TRANK1: variants seen among roughly 807,000 people sequenced by gnomAD.
The protein encoded by TRANK1 is tetratricopeptide repeat and ankyrin repeat containing 1, also known as TPR and ankyrin repeat-containing protein 1.
A neutral mutation model predicts 266.0 loss-of-function variants in TRANK1; 198 were observed. The observed-to-expected ratio is 0.74, with a 90% confidence interval of 0.66 to 0.84. TRANK1 has a LOEUF of 0.84. Ranked by LOEUF, TRANK1 falls within the 40% of genes least tolerant of loss-of-function variation. The pLI is 0.00. For synonymous variants in TRANK1, 1,396 were observed against 1,384.1 expected (o/e 1.01, Z -0.19); for missense variants, 3,326 against 3,634.6 (o/e 0.92, Z 2.18).
intron 18 of TRANK1, among the ~76,000 whole-genome samples, chr3:36,841,821 T>A (rs977965972): frequency 3.3e-5 from 5 of 151,672 alleles, no homozygotes; most frequent in African/African-American, 1.2e-4. Flanking sequence ...AGGGAAGAGA[T>A]GGAATGAGAC....
chr3:36,838,258 C>T, intron 20 of TRANK1, 114 bp downstream of exon 20: 1 of 1,480,252 alleles, frequency 6.8e-7, no homozygotes, highest in Non-Finnish European at 9.1e-7. Flanking sequence ...CCAGTGTCTC[C>T]CTCCTTGGAA....
chr3:36,878,770 A>C (rs1559447345), intron 8 of TRANK1, among the ~76,000 whole-genome samples: 1 of 134,158 alleles, frequency 7.5e-6, no homozygotes. Context: ...CCTAAAATGA[A>C]AGTTCAAAAA....
intron 8 of TRANK1, among the ~76,000 whole-genome samples, chr3:36,882,734 T>C (rs190043021): frequency 1.3e-5 from 2 of 152,204 alleles, no homozygotes; most frequent in African/African-American, 4.8e-5. Context: ...AATTGCAGTA[T>C]ATACCACAGA....
chr3:36,831,080 G>C lies in TRANK1; in HGVS notation c.8503C>G (p.Gln2835Glu), dbSNP rs1288623900. ...EHHQRQQVAY[Q>E]KYSEFFHEKV... ...TCGTGGAAAAATTCTGAGTATTTCT[G>C]GTAGGCCACTTGCTGCCTCTGGTGG... is the stretch of plus-strand genomic sequence containing the variant. The change falls in exon 22 of 24, where the codon CAG (glutamine) becomes GAG (glutamate). Residue 2835 changes from glutamine to glutamate, a missense_variant. Coordinates refer to ENST00000645898, the MANE Select transcript of TRANK1 (RefSeq NM_001329998.2). This position sits in a 1 kb window ranked among gnomAD's most constrained non-coding sequence, Gnocchi z 5.0. The C allele has an allele frequency of 6.2e-7, 1 of 1,613,818 alleles. No homozygotes were observed. Among genetic ancestry groups the C allele is most frequent in the Non-Finnish European group, 8.5e-7 (1 of 1,179,908 alleles).
In TRANK1 at chr3:36,833,500, C is replaced by T. The variant is rs763176808; in HGVS notation, c.6083G>A (p.Gly2028Asp). 1 of 1,613,902 alleles carries T rather than the reference C, an allele frequency of 6.2e-7. No individual in the cohort carries two copies. The highest frequency in any genetic ancestry group is 1.1e-5 in the South Asian group (1 of 91,066). Residue 2028 changes from glycine to aspartate, a missense_variant, in exon 22 of 24, where the codon GGC (glycine) becomes GAC (aspartate). Coordinates refer to ENST00000645898, the MANE Select transcript of TRANK1 (RefSeq NM_001329998.2). ...DICYQTGQLS[G>D]IAEAHFLQGV... Reference sequence around the variant, plus strand: ...TTGCAGGAAGTGGGCCTCCGCAATGCCAGACAACTGGCCAGTTTGATAGCA... The same window carrying T: ...TTGCAGGAAGTGGGCCTCCGCAATGTCAGACAACTGGCCAGTTTGATAGCA...
chr3:36,903,047 A>G (rs963145686), intron 3 of TRANK1, 102 bp downstream of exon 3: 3 of 1,396,176 alleles, frequency 2.1e-6, no homozygotes, highest in African/African-American at 2.9e-5. Context: ...TGCCACCCCC[A>G]GGTGCCACTG....
intron 9 of TRANK1, among the ~76,000 whole-genome samples, chr3:36,872,136 C>T (rs2079318566): frequency 6.6e-6 from 1 of 152,334 alleles, no homozygotes; most frequent in Admixed American, 6.5e-5. Flanking sequence ...CATGGTGGCT[C>T]ATGCCTATAA....
chr3:36,886,117 T>TTTG (rs1172887468), intron 8 of TRANK1, among the ~76,000 whole-genome samples: 6 of 147,300 alleles, frequency 4.1e-5, no homozygotes, highest in South Asian at 2.1e-4. Context: ...CCCTTCTTTT[T>TTTG]TTGTTGTTGT....
At chr3:36,942,063 A>G (rs1437883161) in intron 1 of TRANK1, among the ~76,000 whole-genome samples, 1 of 152,198 alleles carries the variant, frequency 6.6e-6, no homozygotes, top group African/African-American at 2.4e-5. Flanking sequence ...ACCTTCCCCA[A>G]ACAGGAGGAC....
intron 1 of TRANK1, among the ~76,000 whole-genome samples, chr3:36,921,347 G>A (rs1397753114): frequency 6.6e-6 from 1 of 152,128 alleles, no homozygotes; most frequent in Non-Finnish European, 1.5e-5. Flanking sequence ...CTCCATTCAC[G>A]AGTCACATCC....
Position 36,857,943 on chromosome 3 carries a change from C to T in TRANK1, c.1779G>A (p.Thr593=). ...NPNVQDSNGN[T]LMHILFQKGM... ...CCTTCTGGAAGAGGATGTGCATCAG[C>T]GTGTTCCCATTGCTGTCCTGGACAT... Residue 593 remains threonine (T), a synonymous_variant, in exon 13 of 24, where the codon ACG becomes ACA. Coordinates refer to ENST00000645898, the MANE Select transcript of TRANK1 (RefSeq NM_001329998.2). This position sits in a 1 kb window ranked among gnomAD's most constrained non-coding sequence, Gnocchi z 4.3. 2.5e-6 allele frequency: 4 copies of T among 1,603,412 alleles called. No homozygotes were observed. The highest frequency in any genetic ancestry group is 1.7e-5 in the Admixed American group (1 of 60,024).
chr3:36,842,825 C>G (rs771706140), intron 17 of TRANK1, 115 bp from the exon 18 acceptor site: 1 of 890,562 alleles, frequency 1.1e-6, no homozygotes, highest in Non-Finnish European at 1.8e-6. Context: ...TGTTAAAGTC[C>G]TAACTCCCGG....
rs2079093233 is a variant in TRANK1, at chr3:36,858,752, C to T, written c.1638G>A (p.Leu546=). ...AISLTEGDTP[L]HAALHIFLEI... ...CTAGAAAGATGTGGAGTGCTGCATG[C>T]AAAGGAGTATCACCTTCCGTGAGAG... Residue 546 remains leucine, a synonymous_variant, in exon 12 of 24, where the codon TTG becomes TTA. Coordinates refer to ENST00000645898, the MANE Select transcript of TRANK1 (RefSeq NM_001329998.2). The T allele has an allele frequency of 6.5e-7, 1 of 1,536,172 alleles. No homozygotes were observed. The highest frequency in any genetic ancestry group is 2.0e-5 in the Admixed American group (1 of 50,824).
rs1274624422 is a variant in TRANK1, at chr3:36,833,913, T to C, written c.5670A>G (p.Glu1890=). ...GAAGGGTCTTAGTCTTTAGCATTTC[T>C]TCATACCTGCAAAGACAAAGGACAC... The part of the protein sequence containing the change: ...EEAAIAVEKY[E]EMLKTKTLPI... Residue 1890 remains glutamate (E), a synonymous_variant, in exon 22 of 24, where the codon GAA becomes GAG. Transcript: ENST00000645898. The C allele has an allele frequency of 6.3e-7, 1 of 1,599,968 alleles. No homozygotes were observed. The highest frequency in any genetic ancestry group is 8.5e-7 in the Non-Finnish European group (1 of 1,175,482).
rs1335217028 is a variant in TRANK1 at position 36,856,752 on chromosome 3, C to T, written c.2970G>A (p.Lys990=). 1.9e-6 allele frequency: 3 copies of T among 1,613,906 alleles called. No individual in the cohort carries two copies. Among genetic ancestry groups the T allele is most frequent in the Non-Finnish European group, 2.5e-6 (3 of 1,179,896 alleles). Residue 990 remains lysine (K), a synonymous_variant, in exon 13 of 24, where the codon AAG becomes AAA. Transcript: ENST00000645898. The part of the protein sequence containing the change: ...GQVSANMKIQ[K]RIPRCYVEDT... ...CCTCCACATAGCAGCGAGGTATACG[C>T]TTTTGAATTTTCATGTTAGCTGACA... is the stretch of plus-strand genomic sequence containing the variant.
intron 2 of TRANK1, among the ~76,000 whole-genome samples, chr3:36,906,676 T>C (rs114895522): frequency 0.021 from 3,237 of 152,040 alleles, 110 homozygotes; most frequent in African/African-American, 0.068. Flanking sequence ...ATGATAAGCT[T>C]TGAAGATAAA....
In TRANK1 at chr3:36,908,428, A is replaced by T. The variant is rs1424115712; in HGVS notation, c.50T>A (p.Leu17Gln). The T allele has an allele frequency of 6.5e-6, 8 of 1,232,240 alleles. No homozygotes were observed. The highest frequency in any genetic ancestry group is 8.1e-6 in the Non-Finnish European group (8 of 988,000). 76.3% of individuals were successfully genotyped at this position (1,232,240 alleles called of 1,614,324 possible). A position where few individuals can be genotyped will look rare whatever the true frequency, so the allele number is the denominator to read the frequency against. Residue 17 changes from leucine (L) to glutamine (Q), a missense_variant, in exon 2 of 24, where the codon CTG becomes CAG. Leu to Gln is a moderately radical substitution (Grantham distance 113, BLOSUM62 -2). Coordinates refer to ENST00000645898, the MANE Select transcript of TRANK1 (RefSeq NM_001329998.2). ...AACCTGGTTGCCGGATTCTTTCAGC[A>T]GCTCAGCGTAAGCTGTCAGGTCCAT... ...ARMDLTAYAE[L>Q]LKESGNQVLK...
At chr3:36,903,881 C>A (rs766788574) in intron 2 of TRANK1, among the ~76,000 whole-genome samples, 4 of 152,166 alleles carry the variant, frequency 2.6e-5, no homozygotes, top group Admixed American at 6.5e-5. Context: ...TCAAAGCAAA[C>A]CACAATATGT....
chr3:36,845,534 C>T (rs1033752480), intron 17 of TRANK1, among the ~76,000 whole-genome samples: 15 of 152,110 alleles, frequency 9.9e-5, no homozygotes, highest in African/African-American at 1.4e-4. Flanking sequence ...TACATACATA[C>T]GCATGCATAA....
Sources: allele counts gnomAD v4.1 joint callset (sites outside exome capture counted in the v4.1 genomes callset), GRCh38; gene constraint gnomAD v4.1.1; non-coding constraint Gnocchi (gnomAD v3.1); transcripts MANE v1.5; gene names NCBI Gene and HGNC (gene_info 2026-07-23, HGNC 2026-07-21).